The following CAMK2D variants were observed in gnomAD, a reference collection of about 807,000 sequenced individuals.
CAMK2D encodes calcium/calmodulin dependent protein kinase II delta.
A neutral mutation model predicts 84.0 loss-of-function variants in CAMK2D; 37 were observed. That is an observed-to-expected ratio of 0.44 (90% confidence interval 0.34 to 0.58). The LOEUF (loss-of-function observed/expected upper bound fraction) is 0.58, where lower values mean the gene tolerates loss of function less well. Ranked by LOEUF, CAMK2D falls within the 20% of genes least tolerant of loss-of-function variation. The probability of loss-of-function intolerance (pLI) is 0.02; values close to 1 mark genes in which losing one functional copy is unlikely to be tolerated. For missense variants in CAMK2D, 448 were observed against 652.5 expected (o/e 0.69, Z 3.41); for synonymous variants, 202 against 212.5 (o/e 0.95, Z 0.43).
At chr4:113,607,827 A>G (rs1591854857) in intron 4 of CAMK2D, among the ~76,000 whole-genome samples, 1 of 140,410 alleles carries the variant, frequency 7.1e-6, no homozygotes, top group African/African-American at 3.3e-5. Flanking sequence ...CCCAACAGAT[A>G]AAACTCCCAT....
chr4:113,513,718 G>C (rs1197361096), intron 11 of CAMK2D, 112 bp downstream of exon 11: 9 of 626,006 alleles, frequency 1.4e-5, no homozygotes, highest in Non-Finnish European at 2.3e-5. Flanking sequence ...AATAATGAGA[G>C]TATTGAGGTC....
At chr4:113,524,964 T>C (rs1040591790) in intron 8 of CAMK2D, among the ~76,000 whole-genome samples, 16 of 152,202 alleles carry the variant, frequency 1.1e-4, no homozygotes, top group Admixed American at 9.8e-4. Flanking sequence ...GAGGCCTATC[T>C]GTGATTGGCC....
chr4:113,469,703 C>T (rs1266457502), intron 16 of CAMK2D, among the ~76,000 whole-genome samples: 1 of 152,176 alleles, frequency 6.6e-6, no homozygotes, highest in East Asian at 1.9e-4. Flanking sequence ...TCCACCACTA[C>T]AAGCCTGCTT....
At chr4:113,639,713 C>A (rs1269028876) in intron 3 of CAMK2D, among the ~76,000 whole-genome samples, 1 of 150,814 alleles carries the variant, frequency 6.6e-6, no homozygotes, top group Non-Finnish European at 1.5e-5. Flanking sequence ...TGGAAAAGTA[C>A]CAAGAGAAGA....
At chr4:113,559,631 T>C (rs1229199683) in intron 4 of CAMK2D, among the ~76,000 whole-genome samples, 1 of 152,270 alleles carries the variant, frequency 6.6e-6, no homozygotes, top group Non-Finnish European at 1.5e-5. Flanking sequence ...ATTTCACTGT[T>C]AATGCCAAGG....
chr4:113,654,077 G>C (rs2099188100), intron 3 of CAMK2D, among the ~76,000 whole-genome samples: 1 of 151,972 alleles, frequency 6.6e-6, no homozygotes, highest in Admixed American at 6.6e-5. Flanking sequence ...TCACCAAAAA[G>C]AAGAAACACT....
chr4:113,501,483 G>GA, intron 15 of CAMK2D, among the ~76,000 whole-genome samples: 1 of 151,910 alleles, frequency 6.6e-6, no homozygotes, highest in Admixed American at 6.6e-5. Flanking sequence ...ACAGATTCTG[G>GA]AAAATAATGT....
intron 3 of CAMK2D, among the ~76,000 whole-genome samples, chr4:113,660,462 T>C (rs1251922029): frequency 6.6e-6 from 1 of 152,162 alleles, no homozygotes; most frequent in African/African-American, 2.4e-5. Flanking sequence ...AGTGCATGGC[T>C]CACTGCAGCC....
chr4:113,702,186 T>TAAGA (rs2099420408), intron 2 of CAMK2D, among the ~76,000 whole-genome samples: 1 of 152,188 alleles, frequency 6.6e-6, no homozygotes, highest in South Asian at 2.1e-4. Flanking sequence ...TACTAAGAGG[T>TAAGA]TACTTTCACT....
intron 6 of CAMK2D, among the ~76,000 whole-genome samples, chr4:113,542,135 GAACCAGAGTGTAACT>G (rs2098534100): frequency 6.6e-6 from 1 of 152,174 alleles, no homozygotes; most frequent in African/African-American, 2.4e-5. Flanking sequence ...TAGACTGAAA[GAACCAGAGTGTAACT>G]AACTGCAGTG....
At chr4:113,632,857 G>A (rs948473201) in intron 3 of CAMK2D, among the ~76,000 whole-genome samples, 1 of 152,172 alleles carries the variant, frequency 6.6e-6, no homozygotes, top group African/African-American at 2.4e-5. Context: ...AGCTTGAACT[G>A]AATCTCAAAG....
intron 4 of CAMK2D, among the ~76,000 whole-genome samples, chr4:113,586,851 C>G (rs549371130): frequency 6.6e-6 from 1 of 152,170 alleles, no homozygotes; most frequent in South Asian, 2.1e-4. Flanking sequence ...GCTCCATGTT[C>G]AGGGCATGCA....
intron 16 of CAMK2D, among the ~76,000 whole-genome samples, chr4:113,477,087 T>A (rs1268907885): frequency 6.6e-6 from 1 of 152,118 alleles, no homozygotes; most frequent in African/African-American, 2.4e-5. Context: ...ATAACTAAAC[T>A]GTTTCTCTAC....
At chr4:113,695,109 G>A (rs1029239915) in intron 2 of CAMK2D, among the ~76,000 whole-genome samples, 2 of 152,070 alleles carry the variant, frequency 1.3e-5, no homozygotes, top group East Asian at 1.9e-4. Context: ...ATTACATCAC[G>A]AAGTGAGAAA....
chr4:113,656,051 G>A (rs777150564), intron 3 of CAMK2D, among the ~76,000 whole-genome samples: 2 of 152,052 alleles, frequency 1.3e-5, no homozygotes, highest in Non-Finnish European at 2.9e-5. Flanking sequence ...TTGACATATA[G>A]CTCAGAATTT....
intron 18 of CAMK2D, among the ~76,000 whole-genome samples, 187 bp downstream of exon 18, chr4:113,459,960 A>C (rs1442227413): frequency 6.6e-6 from 1 of 152,122 alleles, no homozygotes; most frequent in Non-Finnish European, 1.5e-5. Flanking sequence ...TTTTTAAAAC[A>C]CACCAAAACT....
chr4:113,620,484 G>C (rs1386191456), intron 3 of CAMK2D, among the ~76,000 whole-genome samples: 1 of 151,694 alleles, frequency 6.6e-6, no homozygotes, highest in South Asian at 2.1e-4. Flanking sequence ...ATTCAAACTT[G>C]GTAAACTTTC....
intron 4 of CAMK2D, among the ~76,000 whole-genome samples, chr4:113,604,547 TG>T (rs1434969264): frequency 6.6e-6 from 1 of 152,186 alleles, no homozygotes; most frequent in Non-Finnish European, 1.5e-5. Flanking sequence ...AAAGAATAAT[TG>T]CAAGAATTTG....
At chr4:113,665,079 T>C (rs945701283) in intron 2 of CAMK2D, among the ~76,000 whole-genome samples, 2 of 152,154 alleles carry the variant, frequency 1.3e-5, no homozygotes, top group Non-Finnish European at 2.9e-5. Context: ...GCTGGGATTA[T>C]GGGCATGAGC....
Sources: allele counts gnomAD v4.1 joint callset (sites outside exome capture counted in the v4.1 genomes callset), GRCh38; gene constraint gnomAD v4.1.1; transcripts MANE v1.5; gene names NCBI Gene and HGNC (gene_info 2026-07-23, HGNC 2026-07-21).